Variants in OR9Q1 observed in about 807,000 individuals in gnomAD.
OR9Q1 encodes the protein olfactory receptor family 9 subfamily Q member 1.
For synonymous variants in OR9Q1, 153 were observed against 148.6 expected, an observed-to-expected ratio of 1.03 and a Z score of -0.22; for missense variants, 374 against 378.8, an observed-to-expected ratio of 0.99 and a Z score of 0.11.
intron 1 of OR9Q1, among the ~76,000 whole-genome samples, chr11:58,053,632 A>ATATGTATAT (rs1554965512): frequency 8.4e-6 from 1 of 118,684 alleles, no homozygotes; most frequent in African/African-American, 3.1e-5. Flanking sequence ...TATATAAAAT[A>ATATGTATAT]TATATATATA....
chr11:58,146,864 T>C (rs1342922008), intron 2 of OR9Q1, among the ~76,000 whole-genome samples: 1 of 152,190 alleles, frequency 6.6e-6, no homozygotes. Context: ...CAGGGCTTAG[T>C]GTGAGATGCA....
chr11:58,033,401 C>T (rs936661731), intron 1 of OR9Q1, among the ~76,000 whole-genome samples: 4 of 152,166 alleles, frequency 2.6e-5, no homozygotes, highest in African/African-American at 9.7e-5. Flanking sequence ...AATACATATA[C>T]ACCATGGAAT....
chr11:58,156,329 C>G (rs1213518767), intron 2 of OR9Q1, among the ~76,000 whole-genome samples: 1 of 152,170 alleles, frequency 6.6e-6, no homozygotes, highest in African/African-American at 2.4e-5. Flanking sequence ...AGGAAGAAGA[C>G]TGCCACTCAT....
At chr11:58,058,502 C>G (rs992416179) in intron 2 of OR9Q1, among the ~76,000 whole-genome samples, 2 of 152,194 alleles carry the variant, frequency 1.3e-5, no homozygotes, top group Non-Finnish European at 2.9e-5. Context: ...CAGGCTCAAG[C>G]TGCCATTCAG....
At chr11:58,122,034 T>C (rs1374572) in intron 2 of OR9Q1, among the ~76,000 whole-genome samples, 150,759 of 152,242 alleles carry the variant, frequency 0.99, 74,663 homozygotes, top group Non-Finnish European at 1. Flanking sequence ...TTTTTACTTC[T>C]CTTTCACCTA....
At chr11:58,046,702 A>G (rs1853220003) in intron 1 of OR9Q1, among the ~76,000 whole-genome samples, 1 of 152,084 alleles carries the variant, frequency 6.6e-6, no homozygotes, top group South Asian at 2.1e-4. Context: ...TCTCTACTAA[A>G]AATACAAAAA....
rs1402755927 is a variant in OR9Q1 at position 58,181,366 on chromosome 11, A to G, written c.*989A>G. ...GTCCTCGCCTATCCTGGGTCCCTGC[A>G]CTCTGCAGCAGCTCAGCCTGCATCC... On this transcript the variant is annotated 3_prime_UTR_variant, in exon 3 of 3. Coordinates refer to ENST00000335397, the MANE Select transcript of OR9Q1 (RefSeq NM_001005212.4). 1 of 166,788 alleles carries G rather than the reference A, an allele frequency of 6.0e-6. No homozygotes were observed. Among genetic ancestry groups the G allele is most frequent in the Non-Finnish European group, 1.5e-5 (1 of 68,096 alleles). The allele number at this position is 166,788 out of a possible 1,614,324, so 10.3% of individuals were successfully genotyped here. A position where few individuals can be genotyped will look rare whatever the true frequency, so the allele number is the denominator to read the frequency against.
At chr11:58,164,785 T>C (rs1854486269) in intron 2 of OR9Q1, among the ~76,000 whole-genome samples, 1 of 152,192 alleles carries the variant, frequency 6.6e-6, no homozygotes, top group Non-Finnish European at 1.5e-5. Context: ...AAATAGTTCC[T>C]TGGTCGCATG....
At chr11:58,070,345 A>G (rs1422197385) in intron 2 of OR9Q1, among the ~76,000 whole-genome samples, 1 of 151,936 alleles carries the variant, frequency 6.6e-6, no homozygotes, top group East Asian at 1.9e-4. Context: ...TCTTGAAAAC[A>G]ATCACTTCAG....
At position 58,169,466 on chromosome 11, in the gene OR9Q1, CCT is replaced by C. The variant is rs150067755; in HGVS notation, c.-14-9964_-14-9963del. 9.0e-3 allele frequency among the ~76,000 whole-genome samples: 1,367 copies of C among 152,064 alleles called. 10 individuals carry two copies. The highest frequency in any genetic ancestry group is 0.031 in the Middle Eastern group (9 of 294). On this transcript the variant is annotated intron_variant, in intron 2 of 2. Transcript: ENST00000335397. ...TAACTTTTTCATGGTTCTCTTTCCC[CCT>C]GGTGGCATTTTTTGCTTTAAACTCT...
At chr11:58,053,284 T>G (rs1213611500) in intron 1 of OR9Q1, among the ~76,000 whole-genome samples, 1 of 151,800 alleles carries the variant, frequency 6.6e-6, no homozygotes, top group Non-Finnish European at 1.5e-5. Context: ...AATGATGAGT[T>G]CATGTACTTT....
chr11:58,119,226 G>A lies in OR9Q1; in HGVS notation c.-14-60205G>A, dbSNP rs985714853. ...GGATCTGAGGGGTGATGACTGAGGT[G>A]TAACAGGCATCCAGCAGGGAGAGGT... On this transcript the variant is annotated intron_variant, in intron 2 of 2. Transcript: ENST00000335397. The A allele has an allele frequency of 2.5e-6, 4 of 1,613,756 alleles. No homozygotes were observed. In the East Asian group the frequency reaches 6.7e-5, roughly 27 times the overall value.
At chr11:58,160,562 C>G (rs1019089316) in intron 2 of OR9Q1, among the ~76,000 whole-genome samples, 1 of 152,038 alleles carries the variant, frequency 6.6e-6, no homozygotes, top group Non-Finnish European at 1.5e-5. Context: ...TGGGCTCAAG[C>G]CATTCTCTTG....
At chr11:58,093,454 T>G (rs184379481) in intron 2 of OR9Q1, among the ~76,000 whole-genome samples, 4 of 152,028 alleles carry the variant, frequency 2.6e-5, no homozygotes, top group Admixed American at 2.6e-4. Context: ...GAAATGCAAA[T>G]TAAAACCACA....
chr11:58,060,236 T>C (rs2119993742), intron 2 of OR9Q1: 1 of 152,304 alleles, frequency 6.6e-6, no homozygotes, highest in African/African-American at 2.4e-5. Flanking sequence ...TTCATCTGGG[T>C]TTTTCCTTTT....
intron 2 of OR9Q1, among the ~76,000 whole-genome samples, chr11:58,170,391 A>T (rs1347957311): frequency 1.3e-5 from 2 of 151,640 alleles, no homozygotes; most frequent in Non-Finnish European, 2.9e-5. Flanking sequence ...AATGGTATAA[A>T]CTCTCTGCTT....
intron 1 of OR9Q1, among the ~76,000 whole-genome samples, chr11:58,034,074 C>CTTTTT (rs61109050): frequency 4.9e-5 from 3 of 61,118 alleles, no homozygotes; most frequent in African/African-American, 1.3e-4. Context: ...TCAGCACTTG[C>CTTTTT]TTTTTTTTTT....
At chr11:58,121,753 G>T (rs1485580773) in intron 2 of OR9Q1, among the ~76,000 whole-genome samples, 1 of 152,184 alleles carries the variant, frequency 6.6e-6, no homozygotes, top group East Asian at 1.9e-4. Flanking sequence ...AATTTTCTTT[G>T]CTGTGGCAAC....
intron 1 of OR9Q1, chr11:58,026,701 A>T (rs1852977637): frequency 6.6e-6 from 1 of 151,570 alleles, no homozygotes; most frequent in African/African-American, 2.4e-5. Flanking sequence ...AAAAAAAAAA[A>T]AAAAAAAGAT....
Sources: gnomAD v4.1 joint callset for allele counts (sites outside exome capture counted in the v4.1 genomes callset) on GRCh38, gnomAD v4.1.1 for gene constraint, MANE v1.5 for transcripts, NCBI Gene and HGNC (gene_info 2026-07-23, HGNC 2026-07-21) for gene names.